The following ETV5 variants were observed in gnomAD, a reference collection of about 807,000 sequenced individuals.
ETV5 encodes the protein ETS translocation variant 5.
ETV5 carries 10 observed loss-of-function variants against 70.0 expected under a neutral mutation model. The observed-to-expected ratio is 0.14, with a 90% CI of 0.09 to 0.24. The LOEUF (loss-of-function observed/expected upper bound fraction) is 0.24, where lower values mean the gene tolerates loss of function less well. Ranked by LOEUF, ETV5 falls within the 10% of genes least tolerant of loss-of-function variation. The pLI is 1.00. For missense variants in ETV5, 453 were observed against 651.2 expected (o/e 0.70, Z 3.31); for synonymous variants, 216 against 242.2 (o/e 0.89, Z 1.01).
At position 186,047,543 on chromosome 3, in the gene ETV5, C is replaced by T. The variant is rs1269871125; in HGVS notation, c.*1096G>A. The T allele has an allele frequency of 8.6e-6, 2 of 232,064 alleles. No homozygotes were observed. Among genetic ancestry groups the T allele is most frequent in the African/African-American group, 2.2e-5 (1 of 45,244 alleles). 14.4% of individuals were successfully genotyped at this position (232,064 alleles called of 1,614,324 possible). ...TCCAGAGAGGGCATGTTAGTGAACA[C>T]GGGGAACTATACATAGAGAATCTAA... On this transcript the variant is annotated 3_prime_UTR_variant, in exon 13 of 13. Transcript: ENST00000306376.
Position 186,052,155 on chromosome 3 carries a change from G to A in ETV5, c.1210-24C>T. 6.2e-7 allele frequency: 1 copy of A among 1,609,626 alleles called. No homozygotes were observed. The highest frequency in any genetic ancestry group is 2.2e-5 in the East Asian group (1 of 44,818). On this transcript the variant is annotated intron_variant, in intron 11 of 12. Coordinates refer to ENST00000306376, the MANE Select transcript of ETV5 (RefSeq NM_004454.3). The surrounding 1 kb of genome is among the most constrained non-coding windows in gnomAD (Gnocchi z 4.5). ...ACCTGAAGAGACAGGAAAGTGAAGA[G>A]CAATGGAAACGCATTCCCTGGGCCC...
intron 5 of ETV5, among the ~76,000 whole-genome samples, chr3:186,092,839 T>A (rs935188822): frequency 6.6e-6 from 1 of 152,154 alleles, no homozygotes; most frequent in Admixed American, 6.5e-5. Flanking sequence ...TTACCTCAGA[T>A]AACCCTAAGT....
rs78236285 is a variant in ETV5 at position 186,077,360 on chromosome 3, T to C, written c.650+2457A>G. On this transcript the variant is annotated intron_variant, in intron 7 of 12. Transcript: ENST00000306376. ...GTTATTAAATATGTGATTATGAAGC[T>C]TGATATTATCCATGACTGTAATTTC... Among the ~76,000 whole-genome samples, 328 of 152,338 alleles carry C rather than the reference T, an allele frequency of 2.2e-3. 4 individuals carry two copies. Among genetic ancestry groups the C allele is most frequent in the East Asian group, 0.019 (101 of 5,188 alleles).
intron 9 of ETV5, among the ~76,000 whole-genome samples, chr3:186,058,601 G>A (rs912171191): frequency 7.2e-5 from 11 of 152,174 alleles, no homozygotes; most frequent in Admixed American, 2.6e-4. Context: ...AAAAATCCAC[G>A]AGGCTGGGCA....
intron 9 of ETV5, among the ~76,000 whole-genome samples, chr3:186,061,711 A>C (rs1278430680): frequency 1.3e-5 from 2 of 152,130 alleles, no homozygotes; most frequent in African/African-American, 4.8e-5. Context: ...TTAAGCTCTG[A>C]GCCCACCTCT....
chr3:186,050,271 C>T (rs564992139), intron 12 of ETV5, among the ~76,000 whole-genome samples: 1 of 152,212 alleles, frequency 6.6e-6, no homozygotes, highest in South Asian at 2.1e-4. Flanking sequence ...AGCCTCATTC[C>T]TGGGCCTTCC....
At chr3:186,093,566 A>C (rs1415799820) in intron 5 of ETV5, among the ~76,000 whole-genome samples, 1 of 152,212 alleles carries the variant, frequency 6.6e-6, no homozygotes, top group Non-Finnish European at 1.5e-5. Flanking sequence ...GATGAAATAC[A>C]ATTGGTTAGA....
At position 186,105,348 on chromosome 3, in the gene ETV5, A is replaced by G. The variant is rs756313638; in HGVS notation, c.189T>C (p.Val63=). ...CTGGGACAAACTGTTCATCATCAGG[A>G]ACTTGTGCTGGAAAATAGATTTTTA... ...LQEAWLAEAQ[V]PDDEQFVPDF... Residue 63 remains valine, a synonymous_variant, in exon 5 of 13, where the codon GTT becomes GTC. Coordinates refer to ENST00000306376, the MANE Select transcript of ETV5 (RefSeq NM_004454.3). The surrounding 1 kb of genome is among the most constrained non-coding windows in gnomAD (Gnocchi z 4.5). 2.5e-6 allele frequency: 4 copies of G among 1,613,532 alleles called. No homozygotes were observed. The highest frequency in any genetic ancestry group is 2.2e-5 in the South Asian group (2 of 90,850).
intron 7 of ETV5, among the ~76,000 whole-genome samples, chr3:186,068,560 A>C (rs568123253): frequency 3.9e-4 from 59 of 152,314 alleles, no homozygotes; most frequent in Non-Finnish European, 7.1e-4. Context: ...ATAAATCCAG[A>C]TGTGTGCCAG....
At chr3:186,049,074 C>T (rs1246790795) in intron 12 of ETV5, among the ~76,000 whole-genome samples, 2 of 152,152 alleles carry the variant, frequency 1.3e-5, no homozygotes, top group Admixed American at 6.5e-5. Context: ...ATCTGAATTT[C>T]GAATTCACAC....
chr3:186,059,782 G>A (rs985441953), intron 9 of ETV5, among the ~76,000 whole-genome samples: 5 of 152,178 alleles, frequency 3.3e-5, no homozygotes, highest in Non-Finnish European at 5.9e-5. Context: ...GATAAGGATC[G>A]TATCTTGGTA....
chr3:186,081,234 C>A, intron 5 of ETV5, 59 bp from the exon 6 acceptor site: 11 of 1,507,300 alleles, frequency 7.3e-6, no homozygotes, highest in Non-Finnish European at 9.9e-6. Context: ...TAACAGGGAG[C>A]ACAATGCTTC....
Position 186,065,866 on chromosome 3 carries a change from A to C in ETV5, c.857T>G (p.Phe286Cys). ...PGMPGPPAHG[F>C]QSPMGIKQEP... is the part of the protein sequence containing the mutation. ...CTGCTTGATTCCCATTGGTGACTGG[A>C]ACCCGTGTGCTGGGGGCCCTGGCAT... Residue 286 changes from phenylalanine (F) to cysteine (C), a missense_variant, in exon 8 of 13, where the codon TTC becomes TGC. Around this residue, in one of 4 missense-constraint regions of ETV5, gnomAD observed 307 missense variants for 344.9 expected, o/e 0.89. Transcript: ENST00000306376. 6.2e-7 allele frequency: 1 copy of C among 1,614,092 alleles called. No homozygotes were observed. The highest frequency in any genetic ancestry group is 8.5e-7 in the Non-Finnish European group (1 of 1,180,004).
chr3:186,064,405 C>T lies in ETV5; in HGVS notation c.970+12G>A. The T allele has an allele frequency of 2.5e-6, 4 of 1,613,274 alleles. No homozygotes were observed. The highest frequency in any genetic ancestry group is 3.4e-6 in the Non-Finnish European group (4 of 1,179,246). On this transcript the variant is annotated intron_variant, in intron 9 of 12. Transcript: ENST00000306376. ...GAGAGGAGAGAAGAGGAAAGAAAAG[C>T]AGGTTCCTTACCTTCATGGCTGCTG...
intron 6 of ETV5, 33 bp from the exon 7 acceptor site, chr3:186,080,137 C>T: frequency 2.1e-6 from 3 of 1,450,068 alleles, no homozygotes; most frequent in African/African-American, 1.5e-5. Flanking sequence ...AACCATTAAG[C>T]TGAAATGAAG....
At chr3:186,063,131 G>A (rs892258715) in intron 9 of ETV5, among the ~76,000 whole-genome samples, 3 of 152,074 alleles carry the variant, frequency 2.0e-5, no homozygotes, top group Admixed American at 6.6e-5. Context: ...TTAGCCGGGC[G>A]TGGTGGCGGG....
rs1714140540 is a variant in ETV5, at chr3:186,089,896, A to T, written c.233-8721T>A. On this transcript the variant is annotated intron_variant, in intron 5 of 12. Transcript: ENST00000306376. Reference sequence around the variant, plus strand: ...GGAATTCCAAACATTACTGAATAAAAGTTAATTTTCTCAGGCTATGTAGGA... The same window carrying T: ...GGAATTCCAAACATTACTGAATAAATGTTAATTTTCTCAGGCTATGTAGGA... Among the ~76,000 whole-genome samples the T allele has an allele frequency of 1.3e-5, 2 of 152,218 alleles. 1 individual carries two copies. Among genetic ancestry groups the T allele is most frequent in the African/African-American group, 4.8e-5 (2 of 41,468 alleles).
rs1476001468 is a variant in ETV5, at chr3:186,054,296, A to T, written c.1210-2165T>A. 6.6e-6 allele frequency among the ~76,000 whole-genome samples: 1 copy of T among 152,180 alleles called. No homozygotes were observed. The highest frequency in any genetic ancestry group is 1.5e-5 in the Non-Finnish European group (1 of 68,042). Reference sequence around the variant, plus strand: ...CTCATTAGTTACTTTGGTAGCACGTATCTTGAGGACTGAGGCTGAAGGAGT... The same window carrying T: ...CTCATTAGTTACTTTGGTAGCACGTTTCTTGAGGACTGAGGCTGAAGGAGT... On this transcript the variant is annotated intron_variant, in intron 11 of 12. Coordinates refer to ENST00000306376, the MANE Select transcript of ETV5 (RefSeq NM_004454.3). The surrounding 1 kb of genome is among the most constrained non-coding windows in gnomAD (Gnocchi z 4.4).
intron 1 of ETV5, chr3:186,108,355 TG>T: frequency 1.9e-6 from 1 of 533,190 alleles, no homozygotes; most frequent in Non-Finnish European, 3.4e-6. Context: ...CTCAGCCTGC[TG>T]GGTGGGAGCA....
Sources: gnomAD v4.1 joint callset for allele counts (sites outside exome capture counted in the v4.1 genomes callset) on GRCh38, gnomAD v4.1.1 for gene constraint, gnomAD v4.1.1 regional missense constraint, Gnocchi (gnomAD v3.1) non-coding constraint, MANE v1.5 for transcripts, NCBI Gene and HGNC (gene_info 2026-07-23, HGNC 2026-07-21) for gene names.